Variants in LRFN2 observed in about 807,000 individuals in gnomAD.
LRFN2 encodes the protein leucine rich repeat and fibronectin type III domain containing 2, also known as leucine-rich repeat and fibronectin type-III domain-containing protein 2.
In LRFN2, 18 loss-of-function variants were observed where a neutral mutation model predicts 37.3. That is an observed-to-expected ratio of 0.48 (90% CI 0.33 to 0.72). LRFN2 has a LOEUF of 0.72. Ranked by LOEUF, LRFN2 falls within the 30% of genes least tolerant of loss-of-function variation. The probability of loss-of-function intolerance (pLI) is 0.02; values close to 1 mark genes in which losing one functional copy is unlikely to be tolerated. For missense variants in LRFN2, 1,006 were observed against 1,060.7 expected, an observed-to-expected ratio of 0.95 and a Z score of 0.72; for synonymous variants, 556 against 466.6, an observed-to-expected ratio of 1.19 and a Z score of -2.47.
chr6:40,427,862 A>G (rs563676077), intron 2 of LRFN2, among the ~76,000 whole-genome samples: 3 of 152,220 alleles, frequency 2.0e-5, no homozygotes, highest in South Asian at 2.1e-4. Flanking sequence ...ACTCACCTAC[A>G]TGGGGCCCAT....
rs1044220639 is a variant in LRFN2, at chr6:40,480,450, A to T, written c.-18-47319T>A. 2.6e-5 allele frequency among the ~76,000 whole-genome samples: 4 copies of T among 151,948 alleles called. No individual in the cohort carries two copies. The East Asian group carries it at 7.7e-4, about 29-fold the overall frequency. On this transcript the variant is annotated intron_variant, in intron 1 of 2. Transcript: ENST00000338305. ...TGTGCCAGAACACCGGTTATTTTTTAAATTTTTGTAGAGATGGGGGTCTTA... is the reference window on the plus strand; with the variant it reads ...TGTGCCAGAACACCGGTTATTTTTTTAATTTTTGTAGAGATGGGGGTCTTA...
chr6:40,494,923 C>G (rs893164974), intron 1 of LRFN2, among the ~76,000 whole-genome samples: 2 of 152,194 alleles, frequency 1.3e-5, no homozygotes, highest in Admixed American at 1.3e-4. Context: ...CTTCCAAGTA[C>G]TCTTGTTGTC....
Position 40,392,562 on chromosome 6 carries a change from G to T in LRFN2, c.1751C>A (p.Pro584Gln). 1 of 1,602,726 alleles carries T rather than the reference G, an allele frequency of 6.2e-7. No individual in the cohort carries two copies. ...GGCTGGTGCGCTGCTTGGAGGCGGT[G>T]GCTGGGCGCCGTTGGTCTGCGAGTA... The part of the protein sequence containing the change: ...NVYSQTNGAQ[P>Q]PPPSSAPAGA... The change falls in exon 3 of 3, where the codon CCA becomes CAA. Residue 584 changes from proline to glutamine, a missense_variant. Around this residue, in one of 4 missense-constraint regions of LRFN2, gnomAD observed 398 missense variants for 327.6 expected, o/e 1.21. Transcript: ENST00000338305. The surrounding 1 kb of genome is among the most constrained non-coding windows in gnomAD (Gnocchi z 4.7).
intron 1 of LRFN2, among the ~76,000 whole-genome samples, chr6:40,472,246 G>A (rs566716182): frequency 1.3e-5 from 2 of 152,316 alleles, no homozygotes; most frequent in East Asian, 3.9e-4. Context: ...CCCCAGAGCT[G>A]GATAGGTGTT....
intron 1 of LRFN2, among the ~76,000 whole-genome samples, chr6:40,507,536 A>G (rs1024952835): frequency 6.6e-6 from 1 of 152,234 alleles, no homozygotes; most frequent in African/African-American, 2.4e-5. Flanking sequence ...AGGGCTCTGA[A>G]GACCCTGCTC....
chr6:40,435,034 T>G lies in LRFN2; in HGVS notation c.-18-1903A>C, dbSNP rs865960517. On this transcript the variant is annotated intron_variant, in intron 1 of 2. Transcript: ENST00000338305. Reference sequence around the variant, plus strand: ...TTTTACATATATATATATATATATATATATATATATATATATATAGAGAGA... The same window carrying G: ...TTTTACATATATATATATATATATAGATATATATATATATATATAGAGAGA... Among the ~76,000 whole-genome samples the G allele has an allele frequency of 7.5e-5, 7 of 93,052 alleles. No homozygotes were observed. The East Asian group carries it at 1.3e-3, about 18-fold the overall frequency. The allele number at this position is 93,052 out of a possible 152,430, so 61.0% of individuals were successfully genotyped here. A position where few individuals can be genotyped will look rare whatever the true frequency, so the allele number is the denominator to read the frequency against.
chr6:40,493,283 G>A (rs936354440), intron 1 of LRFN2, among the ~76,000 whole-genome samples: 7 of 152,118 alleles, frequency 4.6e-5, no homozygotes, highest in African/African-American at 1.4e-4. Context: ...CCAGTTTCCT[G>A]CCAGGCATTG....
chr6:40,450,338 G>A (rs1050759968), intron 1 of LRFN2, among the ~76,000 whole-genome samples: 1 of 152,222 alleles, frequency 6.6e-6, no homozygotes, highest in Non-Finnish European at 1.5e-5. Context: ...CCAGCTCCTG[G>A]CCCATCAGAG....
chr6:40,585,568 A>G (rs1470021328), intron 1 of LRFN2, among the ~76,000 whole-genome samples: 1 of 152,180 alleles, frequency 6.6e-6, no homozygotes, highest in Non-Finnish European at 1.5e-5. Flanking sequence ...GGCAGCGACC[A>G]GACCAGGGCA....
chr6:40,566,976 A>T (rs976212792), intron 1 of LRFN2, among the ~76,000 whole-genome samples: 1 of 152,230 alleles, frequency 6.6e-6, no homozygotes, highest in Admixed American at 6.5e-5. Flanking sequence ...AGAACCACTT[A>T]AAGTATGTTG....
rs373558783 is a variant in LRFN2, at chr6:40,441,819, C to T, written c.-18-8688G>A. Among the ~76,000 whole-genome samples the T allele has an allele frequency of 9.2e-5, 14 of 152,272 alleles. No individual in the cohort carries two copies. In the East Asian group the frequency reaches 2.5e-3, roughly 27 times the overall value. On this transcript the variant is annotated intron_variant, in intron 1 of 2. Coordinates refer to ENST00000338305, the MANE Select transcript of LRFN2 (RefSeq NM_020737.3). ...CTTTGAAGATTCTTTGTCCAAACTG[C>T]CCCTGACCCCCAACACTGCCCATGT...
intron 1 of LRFN2, among the ~76,000 whole-genome samples, chr6:40,492,495 A>C (rs1765116843): frequency 1.3e-5 from 2 of 152,228 alleles, no homozygotes; most frequent in South Asian, 2.1e-4. Context: ...GTATGTGTGC[A>C]GTTTTTAAAT....
rs79221262 is a variant in LRFN2, at chr6:40,408,053, G to A, written c.1401-15141C>T. The stretch of plus-strand genomic sequence containing the variant: ...TCATAGAGACAGAAAGTAGCAGGGT[G>A]GTTGCTGGGTGCTGGGGGGAGTGAG... On this transcript the variant is annotated intron_variant, in intron 2 of 2. Coordinates refer to ENST00000338305, the MANE Select transcript of LRFN2 (RefSeq NM_020737.3). The A allele has an allele frequency of 7.6e-3, 1,173 of 154,470 alleles. 13 individuals are homozygous for A. The highest frequency in any genetic ancestry group is 0.026 in the African/African-American group (1,061 of 41,586). 9.6% of individuals were successfully genotyped at this position (154,470 alleles called of 1,614,324 possible).
intron 2 of LRFN2, among the ~76,000 whole-genome samples, chr6:40,408,167 C>T (rs1762888569): frequency 6.6e-6 from 1 of 151,862 alleles, no homozygotes; most frequent in Non-Finnish European, 1.5e-5. Flanking sequence ...GACTGCACAA[C>T]AATATGATGT....
At chr6:40,471,430 G>A (rs1232432823) in intron 1 of LRFN2, among the ~76,000 whole-genome samples, 2 of 152,162 alleles carry the variant, frequency 1.3e-5, no homozygotes, top group African/African-American at 4.8e-5. Context: ...TCTGCAAAGT[G>A]TCACACCGAC....
At chr6:40,533,217 TTTAG>T (rs1265619101) in intron 1 of LRFN2, among the ~76,000 whole-genome samples, 1 of 152,206 alleles carries the variant, frequency 6.6e-6, no homozygotes, top group Non-Finnish European at 1.5e-5. Flanking sequence ...TCTCTATCTC[TTTAG>T]TCTTTTCTTT....
At chr6:40,468,753 T>A (rs1001494860) in intron 1 of LRFN2, among the ~76,000 whole-genome samples, 1 of 152,182 alleles carries the variant, frequency 6.6e-6, no homozygotes. Flanking sequence ...GACAGGCAGC[T>A]GAGCTCCTGT....
At chr6:40,399,104 T>G (rs551028638) in intron 2 of LRFN2, among the ~76,000 whole-genome samples, 7 of 151,814 alleles carry the variant, frequency 4.6e-5, no homozygotes, top group Non-Finnish European at 5.9e-5. Flanking sequence ...GCCAGGTATC[T>G]CTTCTATTTT....
chr6:40,486,972 G>T (rs1164570811), intron 1 of LRFN2, among the ~76,000 whole-genome samples: 1 of 152,154 alleles, frequency 6.6e-6, no homozygotes, highest in African/African-American at 2.4e-5. Flanking sequence ...TTATCTTCTG[G>T]ATGCAGAGTG....
Sources: gnomAD v4.1 joint callset for allele counts (sites outside exome capture counted in the v4.1 genomes callset) on GRCh38, gnomAD v4.1.1 for gene constraint, gnomAD v4.1.1 regional missense constraint, Gnocchi (gnomAD v3.1) non-coding constraint, MANE v1.5 for transcripts, NCBI Gene and HGNC (gene_info 2026-07-23, HGNC 2026-07-21) for gene names.